The following HSD17B12 variants were observed in gnomAD, a reference collection of about 807,000 sequenced individuals.
HSD17B12 encodes the protein very-long-chain 3-oxoacyl-CoA reductase.
HSD17B12 carries 32 observed loss-of-function variants against 39.3 expected under a neutral mutation model. The ratio of observed to expected loss-of-function variants is 0.81; its 90% confidence interval spans 0.61 to 1.09. The LOEUF (loss-of-function observed/expected upper bound fraction) is 1.09. Among genes scored for constraint, HSD17B12 ranks in the 50% least tolerant of loss-of-function variants. The pLI is 0.00. For synonymous variants in HSD17B12, 150 were observed against 146.7 expected, an observed-to-expected ratio of 1.02 and a Z score of -0.16; for missense variants, 342 against 382.9, an observed-to-expected ratio of 0.89 and a Z score of 0.89.
intron 3 of HSD17B12, among the ~76,000 whole-genome samples, chr11:43,772,249 A>G (rs10768979): frequency 0.36 from 54,728 of 152,024 alleles, 10,570 homozygotes; most frequent in East Asian, 0.68. Context: ...TACTGCATTA[A>G]TTGGAAAATA....
At chr11:43,777,035 A>G (rs993061022) in intron 3 of HSD17B12, among the ~76,000 whole-genome samples, 3 of 152,176 alleles carry the variant, frequency 2.0e-5, no homozygotes, top group African/African-American at 7.2e-5. Context: ...GAAGTCAGGT[A>G]GTGTGATGCC....
At chr11:43,834,356 A>G (rs986562625) in intron 7 of HSD17B12, among the ~76,000 whole-genome samples, 1 of 124,426 alleles carries the variant, frequency 8.0e-6, no homozygotes, top group African/African-American at 2.8e-5. Context: ...AAATGTGAAG[A>G]ATTGGGATGG....
the HSD17B12 span, among the ~76,000 whole-genome samples, chr11:43,575,480 T>C: frequency 6.6e-6 from 1 of 151,998 alleles, no homozygotes; most frequent in Admixed American, 6.5e-5. This position sits in a 1 kb window ranked among gnomAD's most constrained non-coding sequence, Gnocchi z 4.1. Context: ...CACGGCCGAG[T>C]TTGCATTGGG....
intron 1 of HSD17B12, among the ~76,000 whole-genome samples, chr11:43,714,489 G>GT (rs1328504076): frequency 2.0e-5 from 3 of 152,206 alleles, no homozygotes; most frequent in Non-Finnish European, 4.4e-5. Context: ...CTGTATCTCT[G>GT]TTTTGGTACC....
intron 3 of HSD17B12, among the ~76,000 whole-genome samples, chr11:43,784,294 G>C (rs919499972): frequency 7.0e-6 from 1 of 142,798 alleles, no homozygotes; most frequent in Non-Finnish European, 1.5e-5. Flanking sequence ...GTTTAGGTCA[G>C]GGATTGATAT....
At chr11:43,594,893 C>A in the HSD17B12 span, among the ~76,000 whole-genome samples, 1 of 152,054 alleles carries the variant, frequency 6.6e-6, no homozygotes, top group African/African-American at 2.4e-5. Context: ...CTTTTTCCTG[C>A]AGAGCAAACA....
chr11:43,713,883 A>T (rs1053589685), intron 1 of HSD17B12, among the ~76,000 whole-genome samples: 1 of 152,170 alleles, frequency 6.6e-6, no homozygotes, highest in African/African-American at 2.4e-5. Context: ...GCTTGTGATG[A>T]TGAGCATTTT....
chr11:43,734,502 T>A, intron 1 of HSD17B12: 1 of 610,664 alleles, frequency 1.6e-6, no homozygotes, highest in Non-Finnish European at 3.0e-6. Context: ...GCATACCAGC[T>A]CTCGCTCTCG....
At chr11:43,682,508 CTCCA>C (rs34548552) in intron 1 of HSD17B12, among the ~76,000 whole-genome samples, 74,029 of 147,346 alleles carry the variant, frequency 0.5, 18,853 homozygotes, top group Non-Finnish European at 0.53. Flanking sequence ...TGCCACTGCA[CTCCA>C]TCCAGCCTGG....
the HSD17B12 span, among the ~76,000 whole-genome samples, chr11:43,577,196 G>A: frequency 6.6e-6 from 1 of 152,230 alleles, no homozygotes; most frequent in Non-Finnish European, 1.5e-5. Context: ...GGTCCTCAGT[G>A]AGTTCAGTTC....
At chr11:43,809,103 C>CAT (rs751355282) in intron 4 of HSD17B12, among the ~76,000 whole-genome samples, 1 of 152,130 alleles carries the variant, frequency 6.6e-6, no homozygotes, top group Non-Finnish European at 1.5e-5. Flanking sequence ...TGATTCTGGT[C>CAT]ATACGTAATA....
chr11:43,813,083 C>T (rs192223612), intron 4 of HSD17B12, among the ~76,000 whole-genome samples: 5 of 152,230 alleles, frequency 3.3e-5, no homozygotes, highest in East Asian at 1.9e-4. Flanking sequence ...CCTCGTGATC[C>T]GCCTGCCTCA....
the HSD17B12 span, among the ~76,000 whole-genome samples, chr11:43,572,857 C>A: frequency 2.0e-5 from 3 of 152,176 alleles, no homozygotes; most frequent in African/African-American, 7.2e-5. Flanking sequence ...AAGAGGAATC[C>A]TTTTCCTAGA....
the HSD17B12 span, among the ~76,000 whole-genome samples, chr11:43,666,023 C>T: frequency 1.3e-5 from 2 of 152,180 alleles, no homozygotes; most frequent in African/African-American, 4.8e-5. Context: ...GACTCAGGTG[C>T]ATCTTACCAC....
chr11:43,759,003 C>A (rs7110437), intron 3 of HSD17B12, among the ~76,000 whole-genome samples: 99,804 of 151,992 alleles, frequency 0.66, 33,124 homozygotes, highest in East Asian at 0.75. Context: ...GATCAGGCAG[C>A]GCCCAGTCAG....
intron 1 of HSD17B12, among the ~76,000 whole-genome samples, chr11:43,745,886 T>C (rs1347805495): frequency 6.6e-6 from 1 of 152,094 alleles, no homozygotes; most frequent in Non-Finnish European, 1.5e-5. Context: ...TATGGTAGCA[T>C]GTGCCTGTAG....
intron 3 of HSD17B12, among the ~76,000 whole-genome samples, chr11:43,768,124 G>A (rs371199165): frequency 4.5e-4 from 68 of 152,236 alleles, no homozygotes; most frequent in East Asian, 2.3e-3. Flanking sequence ...TGTGTTCTCC[G>A]TGACTCCATG....
intron 1 of HSD17B12, among the ~76,000 whole-genome samples, chr11:43,705,786 T>C (rs1041110208): frequency 1.1e-3 from 113 of 106,778 alleles, no homozygotes; most frequent in African/African-American, 3.5e-3. Context: ...TTTTTTTTTT[T>C]GAGATAGGGT....
chr11:43,764,022 G>A (rs1950575938), intron 3 of HSD17B12, among the ~76,000 whole-genome samples: 1 of 152,066 alleles, frequency 6.6e-6, no homozygotes, highest in Non-Finnish European at 1.5e-5. Context: ...AATGTCTGAA[G>A]TTCACAAGTG....
Sources: gnomAD v4.1 joint callset for allele counts (sites outside exome capture counted in the v4.1 genomes callset) on GRCh38, gnomAD v4.1.1 for gene constraint, Gnocchi (gnomAD v3.1) non-coding constraint, MANE v1.5 for transcripts, NCBI Gene and HGNC (gene_info 2026-07-23, HGNC 2026-07-21) for gene names.